SPAST: variants seen among roughly 807,000 people sequenced by gnomAD.
SPAST encodes spastic paraplegia 4 (autosomal dominant; spastin).
A neutral mutation model predicts 76.6 loss-of-function variants in SPAST; 30 were observed. The ratio of observed to expected loss-of-function variants is 0.39; its 90% CI spans 0.29 to 0.53. The LOEUF (loss-of-function observed/expected upper bound fraction) is 0.53, where lower values mean the gene tolerates loss of function less well. Ranked by LOEUF, SPAST falls within the 20% of genes least tolerant of loss-of-function variation. The pLI is 0.68. For synonymous variants in SPAST, 305 were observed against 281.0 expected, an observed-to-expected ratio of 1.09 and a Z score of -0.86; for missense variants, 717 against 770.5, an observed-to-expected ratio of 0.93 and a Z score of 0.82.
chr2:32,130,878 A>G (rs1193728419), intron 9 of SPAST, among the ~76,000 whole-genome samples: 3 of 152,194 alleles, frequency 2.0e-5, no homozygotes, highest in African/African-American at 7.2e-5. Flanking sequence ...GAGCAGATCT[A>G]TGTCTTCGGA....
In SPAST at chr2:32,098,814, T is replaced by G; in HGVS notation, c.605T>G (p.Leu202Trp). ...TGCATAGAGAAGATGCAACCAGTTTTGCCATTTTCCAAGTCACAAACGGAC... is the reference window on the plus strand; with the variant it reads ...TGCATAGAGAAGATGCAACCAGTTTGGCCATTTTCCAAGTCACAAACGGAC... Reference protein sequence around the residue: ...LQLLEKMQPVLPFSKSQTDVY... With the variant: ...LQLLEKMQPVWPFSKSQTDVY... The change falls in exon 4 of 17, where the codon TTG (leucine) becomes TGG (tryptophan). Residue 202 changes from leucine (L) to tryptophan (W), a missense_variant. By Grantham distance (61) the Leu-to-Trp change is moderately conservative (BLOSUM62 -2). Coordinates refer to ENST00000315285, the MANE Select transcript of SPAST (RefSeq NM_014946.4). The G allele has an allele frequency of 6.2e-7, 1 of 1,613,518 alleles. No homozygotes were observed. The highest frequency in any genetic ancestry group is 8.5e-7 in the Non-Finnish European group (1 of 1,179,482).
In SPAST at chr2:32,095,409, T is replaced by C. The variant is rs183191227; in HGVS notation, c.587-3387T>C. Reference sequence around the variant, plus strand: ...CTTCCTAGAAGTGAAACCTAAAATATACACTTAGATAAATGAATAAAAGTT... The same window carrying C: ...CTTCCTAGAAGTGAAACCTAAAATACACACTTAGATAAATGAATAAAAGTT... On this transcript the variant is annotated intron_variant, in intron 3 of 16. Coordinates refer to ENST00000315285, the MANE Select transcript of SPAST (RefSeq NM_014946.4). Among the ~76,000 whole-genome samples, 628 of 152,180 alleles carry C rather than the reference T, an allele frequency of 4.1e-3. 8 individuals are homozygous for C. The highest frequency in any genetic ancestry group is 0.014 in the African/African-American group (590 of 41,528).
At chr2:32,151,785 C>G (rs1200930838) in intron 16 of SPAST, among the ~76,000 whole-genome samples, 2 of 152,012 alleles carry the variant, frequency 1.3e-5, no homozygotes, top group Admixed American at 6.6e-5. Context: ...TGGCACATGC[C>G]TGTAATCCCA....
intron 1 of SPAST, among the ~76,000 whole-genome samples, chr2:32,080,813 G>C (rs1416489701): frequency 2.2e-4 from 1 of 4,614 alleles, no homozygotes; most frequent in African/African-American, 4.8e-4. Flanking sequence ...TTTTTTTTTT[G>C]AGATGGAGTC....
chr2:32,147,890 C>T (rs1488706680), intron 16 of SPAST, among the ~76,000 whole-genome samples: 1 of 149,960 alleles, frequency 6.7e-6, no homozygotes, highest in Non-Finnish European at 1.5e-5. Flanking sequence ...CTCAGCCTCC[C>T]AAAGTGCTGG....
chr2:32,084,523 T>G lies in SPAST; in HGVS notation c.416-2969T>G, dbSNP rs528217940. On this transcript the variant is annotated intron_variant, in intron 1 of 16. Transcript: ENST00000315285. ...CTGCAGGTATGCATTAGGGGACAGGTAGAAAAATGTTACAGCATTGTTTGA... is the reference window on the plus strand; with the variant it reads ...CTGCAGGTATGCATTAGGGGACAGGGAGAAAAATGTTACAGCATTGTTTGA... 4.3e-4 allele frequency among the ~76,000 whole-genome samples: 65 copies of G among 151,962 alleles called. No individual in the cohort carries two copies. In the Middle Eastern group the frequency reaches 0.014, roughly 32 times the overall value.
At chr2:32,089,218 T>TTC (rs375850129) in intron 2 of SPAST, among the ~76,000 whole-genome samples, 10 of 129,996 alleles carry the variant, frequency 7.7e-5, no homozygotes, top group Admixed American at 5.7e-4. Context: ...TTTTTTTTTT[T>TTC]AAGTAGAGAC....
chr2:32,064,656 G>T (rs1390276512), intron 1 of SPAST, among the ~76,000 whole-genome samples: 1 of 152,144 alleles, frequency 6.6e-6, no homozygotes, highest in African/African-American at 2.4e-5. Context: ...CGCCTTACTG[G>T]CTTTTAATGA....
At chr2:32,069,900 C>A (rs1676679527) in intron 1 of SPAST, among the ~76,000 whole-genome samples, 1 of 151,888 alleles carries the variant, frequency 6.6e-6, no homozygotes, top group Non-Finnish European at 1.5e-5. Context: ...TTATTTGATT[C>A]AGTGAAATGG....
intron 7 of SPAST, among the ~76,000 whole-genome samples, chr2:32,121,237 C>T (rs1322183128): frequency 2.6e-5 from 4 of 151,890 alleles, no homozygotes; most frequent in East Asian, 2.0e-4. Context: ...ACTGCAACCT[C>T]CACCTCTGGG....
chr2:32,077,406 C>T (rs1677008733), intron 1 of SPAST, among the ~76,000 whole-genome samples: 1 of 152,072 alleles, frequency 6.6e-6, no homozygotes, highest in Non-Finnish European at 1.5e-5. Context: ...AGTTAATCAA[C>T]AAATTTACTA....
At chr2:32,134,434 A>G (rs1343216937) in intron 9 of SPAST, among the ~76,000 whole-genome samples, 5 of 151,278 alleles carry the variant, frequency 3.3e-5, no homozygotes. Flanking sequence ...CCTGGGAGGC[A>G]GAGATTGCAG....
rs562657551 is a variant in SPAST at position 32,064,574 on chromosome 2, A to G, written c.415+328A>G. ...TAGAGTGACCACACTGATCCTTTCT[A>G]GCACTGTGAAGAGTGTGCAGCTTCC... On this transcript the variant is annotated intron_variant, in intron 1 of 16. Coordinates refer to ENST00000315285, the MANE Select transcript of SPAST (RefSeq NM_014946.4). Among the ~76,000 whole-genome samples, 3 of 152,338 alleles carry G rather than the reference A, an allele frequency of 2.0e-5. No individual in the cohort carries two copies. In the East Asian group the frequency reaches 5.8e-4, roughly 29 times the overall value.
chr2:32,106,703 G>A (rs532611219), intron 4 of SPAST, among the ~76,000 whole-genome samples: 28 of 152,290 alleles, frequency 1.8e-4, no homozygotes, highest in African/African-American at 6.3e-4. Context: ...TTTCCCTTGT[G>A]GCTTCACATC....
At chr2:32,145,300 T>A (rs1679850764) in intron 15 of SPAST, among the ~76,000 whole-genome samples, 1 of 152,206 alleles carries the variant, frequency 6.6e-6, no homozygotes, top group Non-Finnish European at 1.5e-5. Flanking sequence ...TTTCACCATG[T>A]TGCCCAAGCT....
intron 12 of SPAST, among the ~76,000 whole-genome samples, chr2:32,139,287 G>A (rs956231058): frequency 6.6e-6 from 1 of 152,028 alleles, no homozygotes; most frequent in African/African-American, 2.4e-5. Flanking sequence ...GGCAAGAGAA[G>A]GAAACAAAAG....
At chr2:32,112,957 A>T (rs942657454) in intron 4 of SPAST, among the ~76,000 whole-genome samples, 6 of 152,072 alleles carry the variant, frequency 3.9e-5, no homozygotes, top group Non-Finnish European at 5.9e-5. Context: ...GAGTGGTGAG[A>T]TTTAAACATT....
chr2:32,115,514 T>C (rs1301105214), intron 5 of SPAST, among the ~76,000 whole-genome samples, 188 bp from the exon 6 acceptor site: 1 of 152,210 alleles, frequency 6.6e-6, no homozygotes, highest in African/African-American at 2.4e-5. Flanking sequence ...TATAACTGAC[T>C]TAATGCCAAA....
chr2:32,141,683 A>G (rs911849184), intron 12 of SPAST, among the ~76,000 whole-genome samples: 24 of 152,264 alleles, frequency 1.6e-4, no homozygotes, highest in African/African-American at 5.5e-4. Flanking sequence ...GCTATTAAAA[A>G]CATATACATA....
Sources: allele counts gnomAD v4.1 joint callset (sites outside exome capture counted in the v4.1 genomes callset), GRCh38; gene constraint gnomAD v4.1.1; transcripts MANE v1.5; gene names NCBI Gene and HGNC (gene_info 2026-07-23, HGNC 2026-07-21).